Variants in AKAP12 observed in about 807,000 individuals in gnomAD.
AKAP12 encodes the protein A-kinase anchor protein 12.
In AKAP12, 32 loss-of-function variants were observed where a neutral mutation model predicts 79.9. That is an observed-to-expected ratio of 0.40 (90% CI 0.30 to 0.54). AKAP12 has a LOEUF of 0.54. Ranked by LOEUF, AKAP12 falls within the 20% of genes least tolerant of loss-of-function variation. The pLI is 0.48. For synonymous variants in AKAP12, 808 were observed against 857.0 expected (o/e 0.94, Z 1.00); for missense variants, 2,074 against 2,177.0 (o/e 0.95, Z 0.94).
chr6:151,351,562 T>A lies in AKAP12; in HGVS notation c.3171T>A (p.Pro1057=), dbSNP rs1307349137. The A allele has an allele frequency of 3.1e-6, 5 of 1,613,976 alleles. No individual in the cohort carries two copies. In the African/African-American group the frequency reaches 6.7e-5, roughly 22 times the overall value. Residue 1057 remains proline (P), a synonymous_variant, in exon 4 of 5, where the codon CCT becomes CCA. Transcript: ENST00000402676. This position sits in a 1 kb window ranked among gnomAD's most constrained non-coding sequence, Gnocchi z 4.4. ...AEKVKEESQL[P]GTGGPEDVLQ... ...AAGTGAAAGAGGAATCCCAGCTGCC[T>A]GGCACCGGTGGGCCAGAAGATGTGC... is the stretch of plus-strand genomic sequence containing the variant.
At chr6:151,274,634 A>G (rs1488271285) in intron 2 of AKAP12, among the ~76,000 whole-genome samples, 4 of 152,192 alleles carry the variant, frequency 2.6e-5, no homozygotes, top group Admixed American at 2.6e-4. Flanking sequence ...AAAATATAAC[A>G]AAAAATAGAA....
intron 3 of AKAP12, among the ~76,000 whole-genome samples, chr6:151,310,949 T>C (rs1777085320): frequency 6.6e-6 from 1 of 152,122 alleles, no homozygotes; most frequent in Non-Finnish European, 1.5e-5. Context: ...AAACAGACAA[T>C]GGCAATCTTT....
intron 2 of AKAP12, chr6:151,280,672 A>C: frequency 7.7e-6 from 1 of 130,586 alleles, no homozygotes; most frequent in Non-Finnish European, 1.6e-5. Context: ...TTGAGAAAGG[A>C]CCTTCCTCTT....
chr6:151,340,413 G>A (rs1308923610), intron 3 of AKAP12, among the ~76,000 whole-genome samples: 1 of 152,100 alleles, frequency 6.6e-6, no homozygotes, highest in Non-Finnish European at 1.5e-5. Context: ...ACTCATTTGG[G>A]TGAATACCAA....
At chr6:151,305,685 C>A in intron 2 of AKAP12, 62 bp from the exon 3 acceptor site, 1 of 1,483,990 alleles carries the variant, frequency 6.7e-7, no homozygotes, top group Non-Finnish European at 9.1e-7. Context: ...AAGTTAATGC[C>A]TTGTTTCTGA....
At position 151,352,859 on chromosome 6, in the gene AKAP12, G is replaced by C. The variant is rs1562756415; in HGVS notation, c.4468G>C (p.Ala1490Pro). Residue 1490 changes from alanine (A) to proline (P), a missense_variant, in exon 4 of 5, where the codon GCT (alanine) becomes CCT (proline). Coordinates refer to ENST00000402676, the MANE Select transcript of AKAP12 (RefSeq NM_005100.4). ...QAKSTPVIVS[A>P]TTKKGLSSDL... The stretch of plus-strand genomic sequence containing the variant: ...AAAATCGACACCAGTGATAGTATCT[G>C]CTACTACCAAGAAAGGCTTAAGTTC... 2 of 1,614,212 alleles carry C rather than the reference G, an allele frequency of 1.2e-6. No homozygotes were observed. The highest frequency in any genetic ancestry group is 1.7e-6 in the Non-Finnish European group (2 of 1,180,044).
Position 151,351,614 on chromosome 6 carries a change from G to C in AKAP12, c.3223G>C (p.Glu1075Gln), listed in dbSNP as rs1235846341. The C allele has an allele frequency of 6.2e-7, 1 of 1,614,176 alleles. No individual in the cohort carries two copies. The highest frequency in any genetic ancestry group is 2.2e-5 in the East Asian group (1 of 44,886). Reference protein sequence around the residue: ...VLQPVQRAEAERPEEQAEASG... With the variant: ...VLQPVQRAEAQRPEEQAEASG... The stretch of plus-strand genomic sequence containing the variant: ...TCAGCCTGTGCAGAGAGCAGAGGCA[G>C]AAAGACCAGAAGAGCAGGCTGAAGC... The change falls in exon 4 of 5, where the codon GAA becomes CAA. Residue 1075 changes from glutamate to glutamine, a missense_variant. This residue lies in a region of AKAP12 where 1,428 missense variants were observed against 1,451.0 expected (regional missense o/e 0.98). Transcript: ENST00000402676. This position sits in a 1 kb window ranked among gnomAD's most constrained non-coding sequence, Gnocchi z 4.4.
intron 3 of AKAP12, among the ~76,000 whole-genome samples, chr6:151,327,836 TAAG>T (rs1293184502): frequency 1.3e-5 from 2 of 152,198 alleles, no homozygotes; most frequent in Non-Finnish European, 2.9e-5. Flanking sequence ...TTTTTCCTGG[TAAG>T]AAGAAAGTGC....
intron 2 of AKAP12, among the ~76,000 whole-genome samples, chr6:151,280,965 T>C (rs1198962258): frequency 6.6e-6 from 1 of 152,216 alleles, no homozygotes; most frequent in Non-Finnish European, 1.5e-5. Context: ...CCATTTCTTA[T>C]GTGTAATTCT....
chr6:151,357,699 T>C lies in AKAP12; in HGVS notation c.*1985T>C, dbSNP rs1011826959. 4 of 144,066 alleles carry C rather than the reference T, an allele frequency of 2.8e-5. No homozygotes were observed. Among genetic ancestry groups the C allele is most frequent in the Non-Finnish European group, 3.0e-5 (2 of 66,790 alleles). The allele number at this position is 144,066 out of a possible 1,614,324, so 8.9% of individuals were successfully genotyped here. Reference sequence around the variant, plus strand: ...CCCCAAATTCAAAAAACCTCTGATATATATATATAATTTTTTTTTTTTTTT... The same window carrying C: ...CCCCAAATTCAAAAAACCTCTGATACATATATATAATTTTTTTTTTTTTTT... On this transcript the variant is annotated 3_prime_UTR_variant, in exon 5 of 5. Coordinates refer to ENST00000402676, the MANE Select transcript of AKAP12 (RefSeq NM_005100.4).
intron 3 of AKAP12, among the ~76,000 whole-genome samples, chr6:151,322,593 G>A (rs933562333): frequency 2.0e-5 from 3 of 152,014 alleles, no homozygotes; most frequent in East Asian, 3.9e-4. Flanking sequence ...CCTATGGACC[G>A]CCTTCCTTTG....
chr6:151,268,945 GTTTTTTTTTTTTTTTTTTT>G (rs558502756), intron 2 of AKAP12, among the ~76,000 whole-genome samples: 10 of 77,432 alleles, frequency 1.3e-4, no homozygotes, highest in Admixed American at 3.7e-4. Flanking sequence ...TGCTCGGCCT[GTTTTTTTTTTTTTTTTTTT>G]TTTTTTTTTT....
intron 3 of AKAP12, among the ~76,000 whole-genome samples, chr6:151,344,397 T>C (rs922668233): frequency 1.3e-5 from 2 of 151,642 alleles, no homozygotes; most frequent in East Asian, 3.9e-4. Flanking sequence ...CCAAAAAATC[T>C]AGCAATATTT....
chr6:151,254,706 G>A (rs749653985), intron 2 of AKAP12, among the ~76,000 whole-genome samples: 1 of 152,044 alleles, frequency 6.6e-6, no homozygotes, highest in Non-Finnish European at 1.5e-5. Flanking sequence ...GACAACGATC[G>A]GTTATTCGTT....
intron 2 of AKAP12, among the ~76,000 whole-genome samples, chr6:151,251,955 C>G (rs550125503): frequency 2.8e-4 from 42 of 152,170 alleles, no homozygotes; most frequent in Non-Finnish European, 5.0e-4. Flanking sequence ...TGAGATCGCT[C>G]TGCTGCACTT....
At chr6:151,314,967 G>A (rs1219643451) in intron 3 of AKAP12, among the ~76,000 whole-genome samples, 11 of 151,362 alleles carry the variant, frequency 7.3e-5, no homozygotes, top group East Asian at 2.0e-4. Flanking sequence ...CAGGAGAATC[G>A]CTTGAACCCG....
At chr6:151,326,088 C>T (rs987990925) in intron 3 of AKAP12, among the ~76,000 whole-genome samples, 1 of 152,184 alleles carries the variant, frequency 6.6e-6, no homozygotes, top group African/African-American at 2.4e-5. Flanking sequence ...ATCAGACAAC[C>T]TCAGTGTTTC....
chr6:151,291,517 T>TC (rs1211958261), intron 2 of AKAP12, among the ~76,000 whole-genome samples: 2 of 152,140 alleles, frequency 1.3e-5, no homozygotes, highest in Non-Finnish European at 2.9e-5. Flanking sequence ...CCTGTTTTCC[T>TC]CCAAGCAGAC....
At chr6:151,344,388 C>CA (rs34465906) in intron 3 of AKAP12, among the ~76,000 whole-genome samples, 3 of 151,618 alleles carry the variant, frequency 2.0e-5, no homozygotes, top group Admixed American at 6.6e-5. Context: ...TATGAATATC[C>CA]AAAAAATCTA....
Sources: allele counts gnomAD v4.1 joint callset (sites outside exome capture counted in the v4.1 genomes callset), GRCh38; gene constraint gnomAD v4.1.1; regional missense constraint gnomAD v4.1.1; non-coding constraint Gnocchi (gnomAD v3.1); transcripts MANE v1.5; gene names NCBI Gene and HGNC (gene_info 2026-07-23, HGNC 2026-07-21).